The following NPAS3 variants were observed in gnomAD, a reference collection of about 807,000 sequenced individuals.
NPAS3 encodes the protein neuronal PAS domain protein 3.
Under a neutral mutation model 73.1 loss-of-function variants are expected in NPAS3, and 14 were observed. The observed-to-expected ratio is 0.19, with a 90% CI of 0.13 to 0.30. The LOEUF is 0.30. Ranked by LOEUF, NPAS3 falls within the 10% of genes least tolerant of loss-of-function variation. The pLI, the probability that NPAS3 is intolerant of heterozygous loss-of-function variation, is 1.00. For missense variants in NPAS3, 1,096 were observed against 1,250.0 expected (o/e 0.88, Z 1.86); for synonymous variants, 620 against 541.5 (o/e 1.14, Z -2.01).
intron 5 of NPAS3, among the ~76,000 whole-genome samples, chr14:33,659,635 A>G: frequency 6.6e-6 from 1 of 152,250 alleles, no homozygotes. Context: ...GTATACAGTC[A>G]GCCAAAGCCA....
intron 3 of NPAS3, among the ~76,000 whole-genome samples, chr14:33,261,542 T>G (rs367648054): frequency 6.6e-6 from 1 of 152,180 alleles, no homozygotes; most frequent in East Asian, 1.9e-4. Context: ...TATTTTTATA[T>G]GTACACTATT....
intron 3 of NPAS3, among the ~76,000 whole-genome samples, chr14:33,246,039 G>A (rs1044555873): frequency 6.6e-6 from 1 of 151,942 alleles, no homozygotes; most frequent in Non-Finnish European, 1.5e-5. Context: ...GTGAGGACAT[G>A]GATATGGAAG....
chr14:33,273,777 G>C (rs2041207700), intron 3 of NPAS3, among the ~76,000 whole-genome samples: 1 of 152,148 alleles, frequency 6.6e-6, no homozygotes, highest in Non-Finnish European at 1.5e-5. Flanking sequence ...AGGGGTACTT[G>C]TTTTGTTGTA....
intron 5 of NPAS3, among the ~76,000 whole-genome samples, chr14:33,563,517 T>TACACACACAC (rs146854404): frequency 0.2 from 20,902 of 106,438 alleles, 2,457 homozygotes; most frequent in East Asian, 0.27. Context: ...TACACATACA[T>TACACACACAC]ACACACACAC....
At chr14:33,780,862 T>G in intron 9 of NPAS3, 1 of 261,194 alleles carries the variant, frequency 3.8e-6, no homozygotes, top group Non-Finnish European at 7.6e-6. Context: ...AGAGAAGGTA[T>G]GCTTTCAAAT....
intron 5 of NPAS3, among the ~76,000 whole-genome samples, chr14:33,647,938 G>A (rs1026491015): frequency 3.3e-5 from 5 of 152,062 alleles, no homozygotes; most frequent in Non-Finnish European, 4.4e-5. Flanking sequence ...AAATTACCTC[G>A]AAAAATAATT....
At chr14:33,288,938 C>T (rs950390456) in intron 3 of NPAS3, among the ~76,000 whole-genome samples, 2 of 152,096 alleles carry the variant, frequency 1.3e-5, no homozygotes, top group Non-Finnish European at 2.9e-5. Context: ...CAGTGCCTGG[C>T]ATATAGAAGG....
intron 3 of NPAS3, among the ~76,000 whole-genome samples, chr14:33,253,780 T>C (rs1471053742): frequency 6.6e-6 from 1 of 152,024 alleles, no homozygotes; most frequent in Non-Finnish European, 1.5e-5. Flanking sequence ...TACCTAATTA[T>C]TCATGGCAGT....
At chr14:33,004,815 TCC>T (rs2038932435) in intron 1 of NPAS3, among the ~76,000 whole-genome samples, 1 of 113,816 alleles carries the variant, frequency 8.8e-6, no homozygotes. Context: ...TAAAAAGTTT[TCC>T]TTTTTTTTTT....
chr14:33,010,176 A>G (rs181732736), intron 1 of NPAS3, among the ~76,000 whole-genome samples: 53 of 152,342 alleles, frequency 3.5e-4, no homozygotes, highest in African/African-American at 1.2e-3. Flanking sequence ...TCTACTGGCT[A>G]CACCCTAAAC....
At chr14:33,449,686 G>A (rs1053562871) in intron 4 of NPAS3, among the ~76,000 whole-genome samples, 1 of 151,912 alleles carries the variant, frequency 6.6e-6, no homozygotes, top group African/African-American at 2.4e-5. Flanking sequence ...GCTAAAAAAT[G>A]CAATCTGCAT....
At chr14:33,539,413 G>A (rs1378062282) in intron 4 of NPAS3, among the ~76,000 whole-genome samples, 3 of 151,976 alleles carry the variant, frequency 2.0e-5, no homozygotes, top group South Asian at 2.1e-4. Flanking sequence ...AAAACTGTAC[G>A]GCAAACAGGT....
At chr14:33,357,269 G>A (rs1247711000) in intron 3 of NPAS3, among the ~76,000 whole-genome samples, 1 of 152,232 alleles carries the variant, frequency 6.6e-6, no homozygotes, top group Non-Finnish European at 1.5e-5. Context: ...GAGGCATTCA[G>A]CATCTTAAAA....
intron 4 of NPAS3, among the ~76,000 whole-genome samples, chr14:33,490,848 G>A (rs1276223745): frequency 1.3e-5 from 2 of 152,186 alleles, no homozygotes; most frequent in African/African-American, 2.4e-5. Context: ...CTCAGATGCC[G>A]CTGCCAGTAG....
chr14:33,017,637 T>A (rs1471129681), intron 1 of NPAS3, among the ~76,000 whole-genome samples: 2 of 152,188 alleles, frequency 1.3e-5, no homozygotes, highest in Non-Finnish European at 2.9e-5. Context: ...GTGTGGGGGT[T>A]AAGGGTGGTC....
chr14:33,240,073 GT>G (rs1225182445), intron 3 of NPAS3, among the ~76,000 whole-genome samples: 8 of 151,798 alleles, frequency 5.3e-5, no homozygotes, highest in African/African-American at 1.9e-4. Context: ...CTTTACATCA[GT>G]TGCACAATGT....
intron 4 of NPAS3, among the ~76,000 whole-genome samples, chr14:33,454,828 G>A (rs935988135): frequency 2.0e-5 from 3 of 152,172 alleles, no homozygotes; most frequent in African/African-American, 7.2e-5. Flanking sequence ...GAAAAATGAG[G>A]TGATACTGAT....
chr14:33,791,429 C>T (rs1958058), intron 9 of NPAS3, among the ~76,000 whole-genome samples: 60,616 of 151,946 alleles, frequency 0.4, 12,367 homozygotes, highest in East Asian at 0.53. Context: ...CCCTAACAAA[C>T]GAGTGCTGGA....
chr14:33,110,477 G>A (rs1174502220), intron 2 of NPAS3, among the ~76,000 whole-genome samples: 1 of 152,188 alleles, frequency 6.6e-6, no homozygotes, highest in Non-Finnish European at 1.5e-5. Flanking sequence ...GTAGTAGTCT[G>A]TGGGAGTTCT....
Sources: gnomAD v4.1 joint callset for allele counts (sites outside exome capture counted in the v4.1 genomes callset) on GRCh38, gnomAD v4.1.1 for gene constraint, MANE v1.5 for transcripts, NCBI Gene and HGNC (gene_info 2026-07-23, HGNC 2026-07-21) for gene names.